TRPC4AP: variants seen among roughly 807,000 people sequenced by gnomAD.
The protein encoded by TRPC4AP is short transient receptor potential channel 4-associated protein.
TRPC4AP carries 45 observed loss-of-function variants against 99.0 expected under a neutral mutation model. That is an observed-to-expected ratio of 0.45 (90% CI 0.36 to 0.58). The LOEUF (loss-of-function observed/expected upper bound fraction) is 0.58, where lower values mean the gene tolerates loss of function less well. Among genes scored for constraint, TRPC4AP ranks in the 20% least tolerant of loss-of-function variants. The probability of loss-of-function intolerance (pLI) is 0.00; values close to 1 mark genes in which losing one functional copy is unlikely to be tolerated. For missense variants in TRPC4AP, 879 were observed against 985.3 expected (o/e 0.89, Z 1.44); for synonymous variants, 408 against 385.8 (o/e 1.06, Z -0.67).
chr20:35,003,299 G>C lies in TRPC4AP; in HGVS notation c.2257-16C>G. ...TGCAGGAGCTCTGGGCAAAGAGGGAGGGGCTGGGGGGCGCCTGGAGGACCC... is the reference window on the plus strand; with the variant it reads ...TGCAGGAGCTCTGGGCAAAGAGGGACGGGCTGGGGGGCGCCTGGAGGACCC... On this transcript the variant is annotated splice_polypyrimidine_tract_variant and intron_variant, in intron 18 of 18. Coordinates refer to ENST00000252015, the MANE Select transcript of TRPC4AP (RefSeq NM_015638.3). 1 of 1,612,390 alleles carries C rather than the reference G, an allele frequency of 6.2e-7. No homozygotes were observed. The highest frequency in any genetic ancestry group is 1.1e-5 in the South Asian group (1 of 90,914).
chr20:35,027,653 C>T (rs1333399645), intron 8 of TRPC4AP, among the ~76,000 whole-genome samples: 3 of 152,138 alleles, frequency 2.0e-5, no homozygotes, highest in Non-Finnish European at 4.4e-5. Flanking sequence ...TGGGCCAGGA[C>T]TTTTCTTTGT....
intron 1 of TRPC4AP, among the ~76,000 whole-genome samples, chr20:35,090,998 C>T (rs1374524120): frequency 6.6e-6 from 1 of 152,056 alleles, no homozygotes; most frequent in African/African-American, 2.4e-5. Flanking sequence ...CTCTACACAC[C>T]CAGCTCGGTA....
rs1306518212 is a variant in TRPC4AP, at chr20:35,078,183, CA to C, written c.169-10del. On this transcript the variant is annotated splice_polypyrimidine_tract_variant and intron_variant, in intron 1 of 18. Coordinates refer to ENST00000252015, the MANE Select transcript of TRPC4AP (RefSeq NM_015638.3). ...AAAAAAGTCTCAGTGAACTGTGAGT[CA>C]AAAAAAGAGAGAACATATTATTGTA... 6.2e-7 allele frequency: 1 copy of C among 1,604,138 alleles called. No homozygotes were observed. Among genetic ancestry groups the C allele is most frequent in the Non-Finnish European group, 8.5e-7 (1 of 1,176,198 alleles).
intron 8 of TRPC4AP, among the ~76,000 whole-genome samples, chr20:35,025,529 C>T (rs993629618): frequency 8.5e-5 from 13 of 152,082 alleles, no homozygotes; most frequent in African/African-American, 2.9e-4. Flanking sequence ...ACATTTTTCA[C>T]GTGCTTAATA....
chr20:35,052,255 C>T (rs73273863), intron 5 of TRPC4AP, among the ~76,000 whole-genome samples: 6,683 of 151,762 alleles, frequency 0.044, 487 homozygotes, highest in African/African-American at 0.15. Context: ...TATAACACCA[C>T]GTCCAGCCAG....
intron 3 of TRPC4AP, among the ~76,000 whole-genome samples, chr20:35,059,911 C>T (rs62213716): frequency 5.1e-5 from 4 of 78,932 alleles, no homozygotes; most frequent in African/African-American, 1.1e-4. Flanking sequence ...AAGACGAAGA[C>T]GAAGAAGACA....
chr20:35,075,007 A>G (rs987470621), intron 2 of TRPC4AP, among the ~76,000 whole-genome samples: 4 of 151,918 alleles, frequency 2.6e-5, no homozygotes, highest in Non-Finnish European at 5.9e-5. Flanking sequence ...TCCCTTTACC[A>G]TTATGTAATG....
At chr20:35,016,933 T>A (rs1290510264) in intron 9 of TRPC4AP, among the ~76,000 whole-genome samples, 1 of 152,242 alleles carries the variant, frequency 6.6e-6, no homozygotes, top group Non-Finnish European at 1.5e-5. Flanking sequence ...TTGGGTACAT[T>A]CACACGCTGT....
At chr20:35,076,919 G>A (rs981530064) in intron 2 of TRPC4AP, among the ~76,000 whole-genome samples, 4 of 152,120 alleles carry the variant, frequency 2.6e-5, no homozygotes, top group Non-Finnish European at 2.9e-5. Context: ...CACTCAGTTC[G>A]AGCTTCCCGG....
chr20:35,052,693 T>C (rs1033735768), intron 5 of TRPC4AP, among the ~76,000 whole-genome samples: 2 of 152,146 alleles, frequency 1.3e-5, no homozygotes, highest in African/African-American at 2.4e-5. Context: ...GGTTTCACCA[T>C]GTTGGCCAGG....
chr20:35,054,293 G>C (rs969038500), intron 5 of TRPC4AP, among the ~76,000 whole-genome samples: 4 of 151,770 alleles, frequency 2.6e-5, no homozygotes, highest in African/African-American at 9.7e-5. Context: ...TTTATCATAA[G>C]TTTCTAAAAG....
chr20:35,086,925 C>G (rs1378281756), intron 1 of TRPC4AP, among the ~76,000 whole-genome samples: 3 of 151,772 alleles, frequency 2.0e-5, no homozygotes. Context: ...CCCAGCTACT[C>G]AGGAGGCTGA....
chr20:35,023,396 GAAGTT>G (rs2082940855), intron 8 of TRPC4AP, among the ~76,000 whole-genome samples: 1 of 152,202 alleles, frequency 6.6e-6, no homozygotes, highest in Non-Finnish European at 1.5e-5. Flanking sequence ...AAACTAAATA[GAAGTT>G]AAGTTCTCAG....
chr20:35,011,576 T>C (rs2082636616), intron 11 of TRPC4AP, among the ~76,000 whole-genome samples: 1 of 152,070 alleles, frequency 6.6e-6, no homozygotes. Flanking sequence ...ATTGTGAAGT[T>C]GAAAAATTCT....
chr20:35,048,737 G>A (rs1315429729), intron 6 of TRPC4AP, among the ~76,000 whole-genome samples: 1 of 152,192 alleles, frequency 6.6e-6, no homozygotes, highest in Non-Finnish European at 1.5e-5. Flanking sequence ...GAAAAGTTGT[G>A]AAGGAGCACT....
chr20:35,003,057 AGGGAGGAAC>A lies in TRPC4AP; in HGVS notation c.*80_*88del. ...AGACCTGGGGCAGGCAGAGAGCAGC[AGGGAGGAAC>A]GGGAACAGGGCAGGGCGTGTGGCAT... On this transcript the variant is annotated 3_prime_UTR_variant, in exon 19 of 19. Coordinates refer to ENST00000252015, the MANE Select transcript of TRPC4AP (RefSeq NM_015638.3). 6.5e-7 allele frequency: 1 copy of A among 1,547,784 alleles called. No homozygotes were observed. The highest frequency in any genetic ancestry group is 2.3e-5 in the East Asian group (1 of 44,372).
At chr20:35,055,376 G>GT (rs1397650610) in intron 4 of TRPC4AP, among the ~76,000 whole-genome samples, 1 of 151,764 alleles carries the variant, frequency 6.6e-6, no homozygotes, top group Admixed American at 6.6e-5. Flanking sequence ...TGTTTTTTGT[G>GT]TTTTTTGGCT....
At chr20:35,007,719 T>C in intron 13 of TRPC4AP, 79 bp from the exon 14 acceptor site, 2 of 1,449,054 alleles carry the variant, frequency 1.4e-6, no homozygotes, top group Non-Finnish European at 1.9e-6. Context: ...GGTTGGGAGA[T>C]GTTTGTTGCC....
intron 3 of TRPC4AP, among the ~76,000 whole-genome samples, chr20:35,059,949 A>C (rs1384758845): frequency 6.6e-6 from 1 of 151,754 alleles, no homozygotes; most frequent in African/African-American, 2.4e-5. Flanking sequence ...GAAGAAGAAA[A>C]AACAGAACAT....
Sources: gnomAD v4.1 joint callset for allele counts (sites outside exome capture counted in the v4.1 genomes callset) on GRCh38, gnomAD v4.1.1 for gene constraint, MANE v1.5 for transcripts, NCBI Gene and HGNC (gene_info 2026-07-23, HGNC 2026-07-21) for gene names.